ACOT7: variants seen among roughly 807,000 people sequenced by gnomAD.
ACOT7 encodes acyl-CoA thioesterase 7.
ACOT7 carries 12 observed loss-of-function variants against 40.2 expected under a neutral mutation model. That is an observed-to-expected ratio of 0.30 (90% CI 0.19 to 0.48). The LOEUF is 0.48. Among genes scored for constraint, ACOT7 ranks in the 20% least tolerant of loss-of-function variants. ACOT7 has a pLI of 0.99. For synonymous variants in ACOT7, 228 were observed against 219.5 expected (o/e 1.04, Z -0.34); for missense variants, 395 against 530.8 (o/e 0.74, Z 2.51).
At chr1:6,343,207 C>T (rs974268721) in intron 2 of ACOT7, among the ~76,000 whole-genome samples, 2 of 152,182 alleles carry the variant, frequency 1.3e-5, no homozygotes, top group African/African-American at 4.8e-5. Context: ...TCACTTCAAG[C>T]CCTGGTGTGT....
At chr1:6,268,949 C>G (rs763759472) in intron 8 of ACOT7, among the ~76,000 whole-genome samples, 1 of 152,152 alleles carries the variant, frequency 6.6e-6, no homozygotes. Flanking sequence ...GCACTGCAGA[C>G]GAGAGCCCTC....
At chr1:6,284,576 C>CAA (rs561943319) in intron 7 of ACOT7, among the ~76,000 whole-genome samples, 2,032 of 57,240 alleles carry the variant, frequency 0.035, 123 homozygotes, top group African/African-American at 0.11. Context: ...AACTCCATCT[C>CAA]AAAAAAAAAA....
intron 6 of ACOT7, among the ~76,000 whole-genome samples, chr1:6,302,063 G>GT (rs1275906140): frequency 6.6e-6 from 1 of 152,220 alleles, no homozygotes; most frequent in Non-Finnish European, 1.5e-5. Flanking sequence ...CACCATGTGT[G>GT]TCTATTATCA....
chr1:6,313,560 C>T (rs1019957868), intron 6 of ACOT7, among the ~76,000 whole-genome samples: 1 of 152,234 alleles, frequency 6.6e-6, no homozygotes, highest in African/African-American at 2.4e-5. Context: ...CTAACAGACA[C>T]GTCTGACCAG....
At chr1:6,347,524 T>C (rs1349966795) in intron 2 of ACOT7, among the ~76,000 whole-genome samples, 2 of 152,120 alleles carry the variant, frequency 1.3e-5, no homozygotes, top group Non-Finnish European at 2.9e-5. Context: ...CAGCACTTTG[T>C]GAGGCCGACG....
chr1:6,352,174 G>T lies in ACOT7; in HGVS notation c.144-2308C>A, dbSNP rs1361852572. The stretch of plus-strand genomic sequence containing the variant: ...CCTACAGGACCTGACTCCTGCCTGG[G>T]GACTGTGCTGTCACCTCCAATGCAC... On this transcript the variant is annotated intron_variant, in intron 1 of 8. Transcript: ENST00000361521. The surrounding 1 kb of genome is among the most constrained non-coding windows in gnomAD (Gnocchi z 4.5). The T allele has an allele frequency of 1.3e-5, 2 of 152,412 alleles. No homozygotes were observed. Among genetic ancestry groups the T allele is most frequent in the East Asian group, 3.9e-4 (2 of 5,188 alleles). The allele number at this position is 152,412 out of a possible 1,614,324, so 9.4% of individuals were successfully genotyped here.
intron 7 of ACOT7, among the ~76,000 whole-genome samples, chr1:6,292,432 C>T (rs1021237042): frequency 1.3e-5 from 2 of 152,202 alleles, no homozygotes; most frequent in African/African-American, 4.8e-5. Flanking sequence ...AAAATTAAGT[C>T]CCCCCGTTAG....
At chr1:6,346,006 G>A (rs780271458) in intron 2 of ACOT7, among the ~76,000 whole-genome samples, 5 of 152,212 alleles carry the variant, frequency 3.3e-5, no homozygotes, top group Admixed American at 6.5e-5. Flanking sequence ...GCCTGCCCTC[G>A]TGGGGCTACC....
rs111294995 is a variant in ACOT7, at chr1:6,274,228, G to A, written c.1014+6874C>T. Among the ~76,000 whole-genome samples, 6 of 152,338 alleles carry A rather than the reference G, an allele frequency of 3.9e-5. No individual in the cohort carries two copies. The highest frequency in any genetic ancestry group is 1.4e-4 in the African/African-American group (6 of 41,590). Reference sequence around the variant, plus strand: ...ATTACAGCATCACTGAGAAGGCACGGAGAGGGAACTTGGGGTAACAGCCTG... The same window carrying A: ...ATTACAGCATCACTGAGAAGGCACGAAGAGGGAACTTGGGGTAACAGCCTG... On this transcript the variant is annotated intron_variant, in intron 8 of 8. Transcript: ENST00000361521. The surrounding 1 kb of genome is among the most constrained non-coding windows in gnomAD (Gnocchi z 5.9).
chr1:6,264,919 T>C (rs1209842039), intron 8 of ACOT7, among the ~76,000 whole-genome samples: 1 of 152,136 alleles, frequency 6.6e-6, no homozygotes, highest in Non-Finnish European at 1.5e-5. Context: ...CTGGGCTGGG[T>C]ATGTTCAGCC....
chr1:6,366,619 C>T (rs2148470390), intron 1 of ACOT7, among the ~76,000 whole-genome samples: 2 of 150,430 alleles, frequency 1.3e-5, no homozygotes, highest in Middle Eastern at 6.9e-3. Flanking sequence ...TTCTCTGTAG[C>T]ATGCAATGTT....
chr1:6,383,210 C>T (rs572698507), intron 1 of ACOT7, among the ~76,000 whole-genome samples: 16 of 135,622 alleles, frequency 1.2e-4, no homozygotes, highest in African/African-American at 3.6e-4. Context: ...TTTTTTGAGA[C>T]GGAGTCTTGC....
rs1016246794 is a variant in ACOT7 at position 6,278,282 on chromosome 1, A to G, written c.1014+2820T>C. ...TGCACCCACACCCAGGGCATGGAGG[A>G]GCCACCGTGCATTTCGGTGGGAGAG... On this transcript the variant is annotated intron_variant, in intron 8 of 8. Transcript: ENST00000361521. The surrounding 1 kb of genome is among the most constrained non-coding windows in gnomAD (Gnocchi z 4.1). Among the ~76,000 whole-genome samples, 6 of 151,860 alleles carry G rather than the reference A, an allele frequency of 4.0e-5. No homozygotes were observed. The highest frequency in any genetic ancestry group is 1.5e-4 in the African/African-American group (6 of 41,328).
At chr1:6,325,657 T>C (rs1640777214) in intron 5 of ACOT7, among the ~76,000 whole-genome samples, 1 of 152,080 alleles carries the variant, frequency 6.6e-6, no homozygotes, top group Non-Finnish European at 1.5e-5. Context: ...GAGACACACA[T>C]GTGAGACCAA....
At chr1:6,268,373 T>G (rs1416083458) in intron 8 of ACOT7, among the ~76,000 whole-genome samples, 1 of 152,188 alleles carries the variant, frequency 6.6e-6, no homozygotes, top group East Asian at 1.9e-4. Context: ...TCTCTTTACT[T>G]TTGCGTATAT....
chr1:6,281,018 A>T, intron 8 of ACOT7, 84 bp downstream of exon 8: 1 of 1,520,474 alleles, frequency 6.6e-7, no homozygotes, highest in Non-Finnish European at 8.8e-7. Flanking sequence ...TCATGCAGGC[A>T]CAGATTCCCC....
intron 4 of ACOT7, among the ~76,000 whole-genome samples, chr1:6,331,711 C>T: frequency 6.6e-6 from 1 of 152,190 alleles, no homozygotes; most frequent in East Asian, 1.9e-4. Context: ...CTGCCCTTCC[C>T]ATTAAATATG....
intron 2 of ACOT7, among the ~76,000 whole-genome samples, chr1:6,343,218 G>A (rs918000651): frequency 2.6e-5 from 4 of 152,208 alleles, no homozygotes; most frequent in African/African-American, 9.6e-5. Context: ...CCTGGTGTGT[G>A]CGTCTGTGCT....
chr1:6,371,230 T>C (rs954535608), intron 1 of ACOT7, among the ~76,000 whole-genome samples: 1 of 152,210 alleles, frequency 6.6e-6, no homozygotes, highest in Admixed American at 6.5e-5. Flanking sequence ...TGTTGTTCCA[T>C]TTATAGAACA....
Sources: gnomAD v4.1 joint callset for allele counts (sites outside exome capture counted in the v4.1 genomes callset) on GRCh38, gnomAD v4.1.1 for gene constraint, Gnocchi (gnomAD v3.1) non-coding constraint, MANE v1.5 for transcripts, NCBI Gene and HGNC (gene_info 2026-07-23, HGNC 2026-07-21) for gene names.